Variants in TRHDE observed in about 807,000 individuals in gnomAD.
The protein encoded by TRHDE is thyrotropin-releasing hormone-degrading ectoenzyme.
Under a neutral mutation model 125.7 loss-of-function variants are expected in TRHDE, and 72 were observed. The ratio of observed to expected loss-of-function variants is 0.57; its 90% confidence interval spans 0.47 to 0.70. TRHDE has a LOEUF of 0.70. Ranked by LOEUF, TRHDE falls within the 30% of genes least tolerant of loss-of-function variation. The probability of loss-of-function intolerance (pLI) is 0.00; values close to 1 mark genes in which losing one functional copy is unlikely to be tolerated. For missense variants in TRHDE, 1,110 were observed against 1,327.1 expected, an observed-to-expected ratio of 0.84 and a Z score of 2.54; for synonymous variants, 509 against 509.1, an observed-to-expected ratio of 1.00 and a Z score of 0.00.
At chr12:72,310,068 A>G (rs1295364240) in intron 2 of TRHDE, among the ~76,000 whole-genome samples, 1 of 152,210 alleles carries the variant, frequency 6.6e-6, no homozygotes, top group African/African-American at 2.4e-5. Flanking sequence ...CAGCACAAGA[A>G]TAATGGAAGA....
chr12:72,283,304 G>A (rs1879763139), intron 1 of TRHDE, among the ~76,000 whole-genome samples: 1 of 152,112 alleles, frequency 6.6e-6, no homozygotes, highest in African/African-American at 2.4e-5. Flanking sequence ...TTTTACGTCT[G>A]ATTTTTGTTC....
intron 2 of TRHDE, among the ~76,000 whole-genome samples, chr12:72,296,565 T>C (rs926675735): frequency 6.6e-5 from 10 of 152,094 alleles, no homozygotes; most frequent in African/African-American, 2.4e-4. Context: ...AGGTAGGGCC[T>C]GAGTTGGCTC....
intron 2 of TRHDE, among the ~76,000 whole-genome samples, chr12:72,338,902 C>G (rs898172200): frequency 6.6e-6 from 1 of 152,188 alleles, no homozygotes; most frequent in Admixed American, 6.5e-5. Flanking sequence ...AAGAAAAAGC[C>G]TTTAAACGCT....
chr12:72,324,741 G>T (rs1422765761), intron 2 of TRHDE, among the ~76,000 whole-genome samples: 1 of 152,150 alleles, frequency 6.6e-6, no homozygotes, highest in Non-Finnish European at 1.5e-5. Flanking sequence ...TCCTGAAACA[G>T]TAAATTATTT....
rs528206547 is a variant in TRHDE, at chr12:72,552,042, AG to A, written c.1788+9688del. On this transcript the variant is annotated intron_variant, in intron 7 of 18. Transcript: ENST00000261180. The stretch of plus-strand genomic sequence containing the variant: ...GATGAGTAGAGTTAGTAAGAACAAG[AG>A]GTAGGTGAGGTGAGCAGCAGCCAAC... 1.4e-4 allele frequency among the ~76,000 whole-genome samples: 21 copies of A among 152,272 alleles called. 1 individual carries two copies. The highest frequency in any genetic ancestry group is 1.4e-3 in the Admixed American group (21 of 15,280).
At chr12:72,638,281 T>C (rs1341624973) in intron 15 of TRHDE, among the ~76,000 whole-genome samples, 1 of 151,224 alleles carries the variant, frequency 6.6e-6, no homozygotes, top group Non-Finnish European at 1.5e-5. Flanking sequence ...TCTCTTTTGA[T>C]CTTTGTTGGT....
intron 5 of TRHDE, among the ~76,000 whole-genome samples, chr12:72,498,184 A>T (rs1365081512): frequency 1.3e-5 from 2 of 152,210 alleles, no homozygotes; most frequent in Non-Finnish European, 2.9e-5. Context: ...ACCCTACAGT[A>T]TCTAGTCGGA....
intron 2 of TRHDE, among the ~76,000 whole-genome samples, chr12:72,336,264 C>T (rs960032450): frequency 1.3e-5 from 2 of 152,058 alleles, no homozygotes; most frequent in Admixed American, 1.3e-4. Flanking sequence ...TATGTTAAAC[C>T]GTTGTAAAAT....
At chr12:72,570,772 C>T (rs959315739) in intron 10 of TRHDE, among the ~76,000 whole-genome samples, 1 of 152,062 alleles carries the variant, frequency 6.6e-6, no homozygotes, top group African/African-American at 2.4e-5. Flanking sequence ...TAATATACAG[C>T]TGCAGCGTTT....
At chr12:72,224,796 G>T (rs1878091042) in intron 2 of TRHDE, among the ~76,000 whole-genome samples, 1 of 152,086 alleles carries the variant, frequency 6.6e-6, no homozygotes, top group Non-Finnish European at 1.5e-5. Context: ...AGGCATTAAA[G>T]TGAGTTATAA....
chr12:72,395,971 T>C (rs1277125428), intron 3 of TRHDE, among the ~76,000 whole-genome samples: 1 of 152,168 alleles, frequency 6.6e-6, no homozygotes, highest in Non-Finnish European at 1.5e-5. Flanking sequence ...CCTTCTCTTA[T>C]CTAGCTGCAT....
intron 3 of TRHDE, among the ~76,000 whole-genome samples, chr12:72,419,064 G>A (rs1290871814): frequency 6.6e-6 from 1 of 152,120 alleles, no homozygotes; most frequent in African/African-American, 2.4e-5. Flanking sequence ...AAGGGAAAGG[G>A]GTAGGAAGTA....
intron 7 of TRHDE, among the ~76,000 whole-genome samples, chr12:72,546,345 G>T (rs1869417071): frequency 6.6e-6 from 1 of 151,604 alleles, no homozygotes; most frequent in South Asian, 2.1e-4. Flanking sequence ...TGTTGTTTTG[G>T]TTTTTGTAAT....
chr12:72,497,254 A>G (rs1342993119), intron 5 of TRHDE, among the ~76,000 whole-genome samples: 3 of 152,118 alleles, frequency 2.0e-5, no homozygotes, highest in Non-Finnish European at 4.4e-5. Flanking sequence ...AATATGATAT[A>G]TAATTCATAT....
At chr12:72,604,992 A>G (rs1872372822) in intron 12 of TRHDE, among the ~76,000 whole-genome samples, 1 of 152,120 alleles carries the variant, frequency 6.6e-6, no homozygotes, top group Non-Finnish European at 1.5e-5. Context: ...AGGGAAAGTT[A>G]CAGTCATATT....
intron 2 of TRHDE, among the ~76,000 whole-genome samples, chr12:72,289,323 TATTTGCTG>T (rs1203549824): frequency 1.3e-5 from 2 of 152,142 alleles, no homozygotes; most frequent in Admixed American, 6.5e-5. Flanking sequence ...TCACTGTTAT[TATTTGCTG>T]ATCAAGCTAC....
intron 2 of TRHDE, among the ~76,000 whole-genome samples, chr12:72,337,065 T>C (rs148497042): frequency 1.4e-3 from 215 of 152,296 alleles, no homozygotes; most frequent in African/African-American, 4.8e-3. Flanking sequence ...TGCATTTTAA[T>C]TGAGAAGCCC....
chr12:72,329,131 G>GC (rs1393382015), intron 2 of TRHDE, among the ~76,000 whole-genome samples: 1 of 152,130 alleles, frequency 6.6e-6, no homozygotes, highest in African/African-American at 2.4e-5. Context: ...ATGTTTCCCA[G>GC]CTCACAGTTG....
At chr12:72,190,173 TG>T (rs1242602432) in intron 2 of TRHDE, among the ~76,000 whole-genome samples, 5 of 152,150 alleles carry the variant, frequency 3.3e-5, no homozygotes, top group Non-Finnish European at 7.3e-5. Flanking sequence ...GGCATCTATA[TG>T]ATCACTAATA....
Sources: gnomAD v4.1 joint callset for allele counts (sites outside exome capture counted in the v4.1 genomes callset) on GRCh38, gnomAD v4.1.1 for gene constraint, MANE v1.5 for transcripts, NCBI Gene and HGNC (gene_info 2026-07-23, HGNC 2026-07-21) for gene names.